MOSMO: variants seen among roughly 807,000 people sequenced by gnomAD.
MOSMO encodes the protein modulator of smoothened.
Under a neutral mutation model 18.4 loss-of-function variants are expected in MOSMO, and 5 were observed. That is an observed-to-expected ratio of 0.27 (90% CI 0.14 to 0.57). The LOEUF is 0.57. Among genes scored for constraint, MOSMO ranks in the 20% least tolerant of loss-of-function variants. The pLI, the probability that MOSMO is intolerant of heterozygous loss-of-function variation, is 0.92. For missense variants in MOSMO, 138 were observed against 211.8 expected, an observed-to-expected ratio of 0.65 and a Z score of 2.16; for synonymous variants, 82 against 82.3, an observed-to-expected ratio of 1.00 and a Z score of 0.02.
At chr16:22,030,378 A>G (rs767769911) in intron 1 of MOSMO, among the ~76,000 whole-genome samples, 6 of 152,220 alleles carry the variant, frequency 3.9e-5, no homozygotes, top group African/African-American at 4.8e-5. Flanking sequence ...ATGTCTGCAC[A>G]AAGCCTATCC....
intron 1 of MOSMO, among the ~76,000 whole-genome samples, chr16:22,071,473 A>T (rs185162466): frequency 6.6e-6 from 1 of 152,146 alleles, no homozygotes; most frequent in Non-Finnish European, 1.5e-5. Flanking sequence ...ACATGTAGTG[A>T]TGACATACCT....
intron 1 of MOSMO, among the ~76,000 whole-genome samples, chr16:22,025,641 CT>C (rs1204967391): frequency 6.6e-6 from 1 of 151,464 alleles, no homozygotes; most frequent in Admixed American, 6.6e-5. Flanking sequence ...ACATAAAACT[CT>C]GACTGTGCTC....
chr16:22,025,814 ATGCTGGAGTCATACCACAC>A (rs1899864057), intron 1 of MOSMO, among the ~76,000 whole-genome samples: 1 of 152,210 alleles, frequency 6.6e-6, no homozygotes, highest in African/African-American at 2.4e-5. Context: ...GCATTAAATG[ATGCTGGAGTCATACCACAC>A]TGCTGTTTTT....
intron 1 of MOSMO, among the ~76,000 whole-genome samples, chr16:22,018,235 A>G (rs973670986): frequency 6.6e-6 from 1 of 152,200 alleles, no homozygotes; most frequent in Non-Finnish European, 1.5e-5. Context: ...ACAGGAGTAG[A>G]AAAAAATGCA....
Position 22,081,067 on chromosome 16 carries a change from A to T in MOSMO, c.*187A>T. 2 of 226,176 alleles carry T rather than the reference A, an allele frequency of 8.8e-6. No homozygotes were observed. Among genetic ancestry groups the T allele is most frequent in the Non-Finnish European group, 1.7e-5 (2 of 115,870 alleles). 14.0% of individuals were successfully genotyped at this position (226,176 alleles called of 1,614,324 possible). ...TTCTCACTATGCACTTTGGATTTAA[A>T]AAAAAAAAAAAAAAGGAGAGCCTTT... On this transcript the variant is annotated 3_prime_UTR_variant, in exon 3 of 3. Coordinates refer to ENST00000542527, the MANE Select transcript of MOSMO (RefSeq NM_001164579.2).
rs1030188118 is a variant in MOSMO at position 22,081,986 on chromosome 16, A to G, written c.*1106A>G. 3 of 152,186 alleles carry G rather than the reference A, an allele frequency of 2.0e-5. No homozygotes were observed. Among genetic ancestry groups the G allele is most frequent in the Non-Finnish European group, 4.4e-5 (3 of 68,026 alleles). 9.4% of individuals were successfully genotyped at this position (152,186 alleles called of 1,614,324 possible). The stretch of plus-strand genomic sequence containing the variant: ...ATTTGGGGAATCTGACACTATTTAA[A>G]TTATTGGCAACTGTTGTCTGTTGTA... On this transcript the variant is annotated 3_prime_UTR_variant, in exon 3 of 3. Transcript: ENST00000542527.
chr16:22,020,070 A>G (rs1192465027), intron 1 of MOSMO, among the ~76,000 whole-genome samples: 5 of 151,282 alleles, frequency 3.3e-5, no homozygotes, highest in Non-Finnish European at 7.4e-5. Flanking sequence ...AAAATTAGCC[A>G]GGCGTGGTGG....
intron 1 of MOSMO, among the ~76,000 whole-genome samples, chr16:22,041,838 C>T (rs1157401794): frequency 6.6e-6 from 1 of 151,914 alleles, no homozygotes; most frequent in Non-Finnish European, 1.5e-5. Context: ...CCATGCCTGC[C>T]TACTTTTTTT....
intron 1 of MOSMO, among the ~76,000 whole-genome samples, chr16:22,017,677 G>C (rs1899668216): frequency 6.6e-6 from 1 of 152,044 alleles, no homozygotes; most frequent in South Asian, 2.1e-4. Context: ...TTGAATATCA[G>C]GATACCTAAA....
intron 1 of MOSMO, among the ~76,000 whole-genome samples, chr16:22,013,986 A>G (rs1055424574): frequency 1.3e-5 from 2 of 152,112 alleles, no homozygotes; most frequent in Non-Finnish European, 2.9e-5. Flanking sequence ...ATATTATTTT[A>G]TTACTAAGAA....
intron 1 of MOSMO, among the ~76,000 whole-genome samples, chr16:22,074,623 A>G (rs986645314): frequency 6.6e-6 from 1 of 152,154 alleles, no homozygotes; most frequent in Admixed American, 6.5e-5. Flanking sequence ...TTTCTAATCT[A>G]AGTTTTTATA....
intron 1 of MOSMO, among the ~76,000 whole-genome samples, chr16:22,062,934 C>T (rs536340985): frequency 6.6e-6 from 1 of 152,294 alleles, no homozygotes; most frequent in South Asian, 2.1e-4. Flanking sequence ...CTCACTGCAA[C>T]CTCTGCCTCC....
intron 1 of MOSMO, among the ~76,000 whole-genome samples, chr16:22,024,616 C>T (rs1051954523): frequency 6.6e-6 from 1 of 152,150 alleles, no homozygotes; most frequent in African/African-American, 2.4e-5. Flanking sequence ...CTGCCCACCT[C>T]AGCCTCCCGA....
intron 1 of MOSMO, among the ~76,000 whole-genome samples, chr16:22,061,382 T>C (rs1464156981): frequency 6.6e-6 from 1 of 152,190 alleles, no homozygotes; most frequent in East Asian, 1.9e-4. Flanking sequence ...ACAATGAAGC[T>C]TTTTGCTCAA....
chr16:22,037,499 A>C (rs1287699139), intron 1 of MOSMO, among the ~76,000 whole-genome samples: 4 of 152,084 alleles, frequency 2.6e-5, no homozygotes, highest in Non-Finnish European at 4.4e-5. Context: ...CTGTAATTCA[A>C]CTCAGTTCTG....
rs1169676640 is a variant in MOSMO at position 22,030,006 on chromosome 16, C to T, written c.106+21599C>T. 3.9e-5 allele frequency among the ~76,000 whole-genome samples: 6 copies of T among 152,332 alleles called. No individual in the cohort carries two copies. The East Asian group carries it at 1.2e-3, about 29-fold the overall frequency. ...GTCTCAAAATATTGTTTTCTTCTGA[C>T]TCCTCTCACCATAAATTCATGCTTC... On this transcript the variant is annotated intron_variant, in intron 1 of 2. Coordinates refer to ENST00000542527, the MANE Select transcript of MOSMO (RefSeq NM_001164579.2).
chr16:22,024,656 C>T (rs936383009), intron 1 of MOSMO, among the ~76,000 whole-genome samples: 3 of 152,084 alleles, frequency 2.0e-5, no homozygotes, highest in South Asian at 2.1e-4. Context: ...TGAGCCACTG[C>T]GCCTGGCCGA....
chr16:22,029,825 A>G (rs1378311664), intron 1 of MOSMO, among the ~76,000 whole-genome samples: 1 of 152,006 alleles, frequency 6.6e-6, no homozygotes, highest in Non-Finnish European at 1.5e-5. Flanking sequence ...GTGGGGTTTC[A>G]CCATGTTGTC....
chr16:22,046,183 AC>A (rs1900306241), intron 1 of MOSMO, among the ~76,000 whole-genome samples: 1 of 152,002 alleles, frequency 6.6e-6, no homozygotes, highest in African/African-American at 2.4e-5. Context: ...GGACACTTCA[AC>A]CCCTATTAAT....
Sources: allele counts gnomAD v4.1 joint callset (sites outside exome capture counted in the v4.1 genomes callset), GRCh38; gene constraint gnomAD v4.1.1; transcripts MANE v1.5; gene names NCBI Gene and HGNC (gene_info 2026-07-23, HGNC 2026-07-21).